MARK1: variants seen among roughly 807,000 people sequenced by gnomAD.
MARK1 encodes the protein microtubule affinity regulating kinase 1.
In MARK1, 40 loss-of-function variants were observed where a neutral mutation model predicts 96.3. The observed-to-expected ratio is 0.42, with a 90% CI of 0.32 to 0.54. The LOEUF is 0.54. Among genes scored for constraint, MARK1 ranks in the 20% least tolerant of loss-of-function variants. The pLI, the probability that MARK1 is intolerant of heterozygous loss-of-function variation, is 0.16. For synonymous variants in MARK1, 317 were observed against 341.2 expected, an observed-to-expected ratio of 0.93 and a Z score of 0.78; for missense variants, 719 against 984.6, an observed-to-expected ratio of 0.73 and a Z score of 3.61.
At chr1:220,643,168 A>T (rs1668376822) in intron 13 of MARK1, among the ~76,000 whole-genome samples, 2 of 152,188 alleles carry the variant, frequency 1.3e-5, no homozygotes, top group South Asian at 2.1e-4. Flanking sequence ...GAGCTAAAGG[A>T]TTATGTTCAA....
At chr1:220,628,379 C>T (rs1667467896) in intron 9 of MARK1, among the ~76,000 whole-genome samples, 1 of 152,162 alleles carries the variant, frequency 6.6e-6, no homozygotes, top group South Asian at 2.1e-4. Flanking sequence ...ACCCATTCCT[C>T]ACCAATCCAT....
intron 13 of MARK1, among the ~76,000 whole-genome samples, chr1:220,646,394 C>T (rs1000286695): frequency 6.6e-6 from 1 of 152,026 alleles, no homozygotes; most frequent in African/African-American, 2.4e-5. Flanking sequence ...AACCACTGCT[C>T]AAGAAAATCA....
intron 3 of MARK1, among the ~76,000 whole-genome samples, chr1:220,592,268 T>C (rs1199721480): frequency 7.2e-6 from 1 of 138,072 alleles, no homozygotes; most frequent in Non-Finnish European, 1.6e-5. Flanking sequence ...TTATATTATA[T>C]TATACTATCT....
intron 16 of MARK1, among the ~76,000 whole-genome samples, chr1:220,655,482 C>T (rs183227481): frequency 3.9e-5 from 6 of 152,274 alleles, no homozygotes; most frequent in African/African-American, 7.2e-5. Flanking sequence ...CATTCTTCAC[C>T]GTGTTAGAAA....
At chr1:220,658,971 C>T (rs1471177277) in intron 17 of MARK1, among the ~76,000 whole-genome samples, 1 of 152,082 alleles carries the variant, frequency 6.6e-6, no homozygotes, top group African/African-American at 2.4e-5. Context: ...CTTTTGAGCC[C>T]CTCCTTGCAT....
intron 5 of MARK1, among the ~76,000 whole-genome samples, chr1:220,601,276 T>C (rs903359211): frequency 6.6e-6 from 1 of 151,648 alleles, no homozygotes; most frequent in Non-Finnish European, 1.5e-5. Context: ...TGCAGTTGTT[T>C]ATACAGATTG....
At position 220,598,317 on chromosome 1, in the gene MARK1, GTTTTC is replaced by G. The variant is rs1415088170; in HGVS notation, c.310-10_310-6del. On this transcript the variant is annotated splice_polypyrimidine_tract_variant and intron_variant, in intron 3 of 17. Coordinates refer to ENST00000366917, the MANE Select transcript of MARK1 (RefSeq NM_018650.5). ...TTTTTTAACAGAAATATATCTACCTGTTTTCTTTAACAGTTATTTCGAGAAGTACG... is the reference window on the plus strand; with the variant it reads ...TTTTTTAACAGAAATATATCTACCTGTTTAACAGTTATTTCGAGAAGTACG... 1 of 625,614 alleles carries G rather than the reference GTTTTC, an allele frequency of 1.6e-6. No individual in the cohort carries two copies. 38.8% of individuals were successfully genotyped at this position (625,614 alleles called of 1,614,324 possible).
At chr1:220,584,462 T>C (rs553489639) in intron 3 of MARK1, among the ~76,000 whole-genome samples, 11 of 152,324 alleles carry the variant, frequency 7.2e-5, no homozygotes, top group African/African-American at 2.4e-4. Flanking sequence ...ATTATTGAAT[T>C]CTGAAAATTA....
At chr1:220,553,327 C>A (rs1662005753) in intron 1 of MARK1, among the ~76,000 whole-genome samples, 1 of 152,180 alleles carries the variant, frequency 6.6e-6, no homozygotes, top group Non-Finnish European at 1.5e-5. Flanking sequence ...TGGTACCACC[C>A]CAGAGTGGGA....
At chr1:220,657,572 ATT>A in intron 16 of MARK1, among the ~76,000 whole-genome samples, 1 of 152,212 alleles carries the variant, frequency 6.6e-6, no homozygotes. Flanking sequence ...TTCACCTCAT[ATT>A]GCCTCTTGAC....
At chr1:220,601,338 A>G (rs1376622931) in intron 5 of MARK1, among the ~76,000 whole-genome samples, 1 of 151,776 alleles carries the variant, frequency 6.6e-6, no homozygotes, top group Non-Finnish European at 1.5e-5. Flanking sequence ...CCTGAAAAAA[A>G]TATTTCAGTG....
At chr1:220,598,851 C>A (rs1558287818) in intron 4 of MARK1, among the ~76,000 whole-genome samples, 1 of 151,892 alleles carries the variant, frequency 6.6e-6, no homozygotes, top group Non-Finnish European at 1.5e-5. Flanking sequence ...TGATGGTGCG[C>A]ACCTGTAGGC....
At chr1:220,643,996 AG>A (rs1451196052) in intron 13 of MARK1, among the ~76,000 whole-genome samples, 1 of 152,214 alleles carries the variant, frequency 6.6e-6, no homozygotes, top group African/African-American at 2.4e-5. Flanking sequence ...GACACTATGA[AG>A]CAACTACGTT....
intron 1 of MARK1, among the ~76,000 whole-genome samples, chr1:220,556,485 C>A (rs1001423599): frequency 6.6e-3 from 562 of 85,506 alleles, no homozygotes; most frequent in African/African-American, 0.011. Flanking sequence ...GGGACTGTCA[C>A]AAAAAAAAAA....
chr1:220,587,429 C>T (rs929719386), intron 3 of MARK1, among the ~76,000 whole-genome samples: 3 of 151,742 alleles, frequency 2.0e-5, no homozygotes, highest in African/African-American at 4.8e-5. Flanking sequence ...AGTGCAATGG[C>T]GTGATCTCTG....
intron 17 of MARK1, among the ~76,000 whole-genome samples, chr1:220,659,426 TA>T (rs1376610389): frequency 6.6e-6 from 1 of 152,212 alleles, no homozygotes; most frequent in Non-Finnish European, 1.5e-5. Context: ...TTCCACCACT[TA>T]CCTTACTGTG....
chr1:220,545,812 A>G lies in MARK1; in HGVS notation c.51+16939A>G, dbSNP rs547982010. On this transcript the variant is annotated intron_variant, in intron 1 of 17. Coordinates refer to ENST00000366917, the MANE Select transcript of MARK1 (RefSeq NM_018650.5). ...GAGAGAAAGGTTTGGTAAAGGGGAG[A>G]CGCCAGTGCTAGTGACAAAGACTCT... 2.0e-5 allele frequency among the ~76,000 whole-genome samples: 3 copies of G among 152,186 alleles called. No individual in the cohort carries two copies. In the East Asian group the frequency reaches 5.8e-4, roughly 29 times the overall value.
At chr1:220,535,825 T>C (rs1660645692) in intron 1 of MARK1, among the ~76,000 whole-genome samples, 1 of 152,148 alleles carries the variant, frequency 6.6e-6, no homozygotes, top group Non-Finnish European at 1.5e-5. Flanking sequence ...TGACTGTGTA[T>C]GCATGGGTTC....
At chr1:220,569,965 A>C (rs1663327162) in intron 1 of MARK1, among the ~76,000 whole-genome samples, 1 of 152,142 alleles carries the variant, frequency 6.6e-6, no homozygotes. Context: ...AGTTGAAATA[A>C]GAAAAATTAG....
Sources: gnomAD v4.1 joint callset for allele counts (sites outside exome capture counted in the v4.1 genomes callset) on GRCh38, gnomAD v4.1.1 for gene constraint, MANE v1.5 for transcripts, NCBI Gene and HGNC (gene_info 2026-07-23, HGNC 2026-07-21) for gene names.